Variants in IFIH1 observed in about 807,000 individuals in gnomAD.
IFIH1 encodes the protein interferon induced with helicase C domain 1, also known as interferon-induced helicase C domain-containing protein 1.
Under a neutral mutation model 107.4 loss-of-function variants are expected in IFIH1, and 125 were observed. That is an observed-to-expected ratio of 1.16 (90% confidence interval 1.01 to 1.35). The LOEUF is 1.35. IFIH1 is among the 40% of genes most tolerant of loss of function. The pLI is 0.00. For synonymous variants in IFIH1, 458 were observed against 413.2 expected, an observed-to-expected ratio of 1.11 and a Z score of -1.31; for missense variants, 1,333 against 1,213.7, an observed-to-expected ratio of 1.10 and a Z score of -1.46.
chr2:162,277,056 A>C, intron 10 of IFIH1, 110 bp from the exon 11 acceptor site: 1 of 744,140 alleles, frequency 1.3e-6, no homozygotes, highest in Non-Finnish European at 2.1e-6. Context: ...TTTATTGATT[A>C]AAAATTAATT....
chr2:162,273,831 A>G lies in IFIH1; in HGVS notation c.2418T>C (p.Arg806=). ...LDIKECNIVI[R]YGLVTNEIAM... The stretch of plus-strand genomic sequence containing the variant: ...CTATTTCATTGGTGACGAGACCATA[A>G]CGGATAACAATGTTACATTCTTTAA... Residue 806 remains arginine (R), a synonymous_variant, in exon 12 of 16, where the codon CGT becomes CGC. Coordinates refer to ENST00000649979, the MANE Select transcript of IFIH1 (RefSeq NM_022168.4). The G allele has an allele frequency of 6.2e-7, 1 of 1,608,256 alleles. No individual in the cohort carries two copies.
At chr2:162,294,137 G>A (rs1291382041) in intron 3 of IFIH1, among the ~76,000 whole-genome samples, 1 of 151,938 alleles carries the variant, frequency 6.6e-6, no homozygotes, top group Non-Finnish European at 1.5e-5. Context: ...ATAGTTTGGT[G>A]ATAAACATAG....
At chr2:162,272,744 G>T (rs191499930) in intron 12 of IFIH1, among the ~76,000 whole-genome samples, 59 of 152,170 alleles carry the variant, frequency 3.9e-4, no homozygotes, top group Admixed American at 1.8e-3. Context: ...GTAGGAAGCT[G>T]GGAGGAATGA....
In IFIH1 at chr2:162,278,311, T is replaced by C. The variant is rs778115972; in HGVS notation, c.1659A>G (p.Lys553=). 4.2e-6 allele frequency: 6 copies of C among 1,436,372 alleles called. No individual in the cohort carries two copies. The highest frequency in any genetic ancestry group is 5.8e-6 in the Non-Finnish European group (6 of 1,031,482). 89.0% of individuals were successfully genotyped at this position (1,436,372 alleles called of 1,614,324 possible). Residue 553 remains lysine, a synonymous_variant, in exon 9 of 16, where the codon AAA becomes AAG. Transcript: ENST00000649979. The part of the protein sequence containing the change: ...DATREDPFKE[K]LLEIMTRIQT... ...GAATCCTTGTCATTATTTCTAGAAGTTTCTCTTTAAATGGATCCTAAAAAT... is the reference window on the plus strand; with the variant it reads ...GAATCCTTGTCATTATTTCTAGAAGCTTCTCTTTAAATGGATCCTAAAAAT...
At chr2:162,267,427 T>C in intron 15 of IFIH1, 48 bp from the exon 16 acceptor site, 1 of 1,612,622 alleles carries the variant, frequency 6.2e-7, no homozygotes, top group Non-Finnish European at 8.5e-7. Flanking sequence ...GTACATGCAA[T>C]TAAACATTCC....
At chr2:162,295,306 G>C (rs1206072801) in intron 3 of IFIH1, among the ~76,000 whole-genome samples, 1 of 151,906 alleles carries the variant, frequency 6.6e-6, no homozygotes, top group Non-Finnish European at 1.5e-5. Flanking sequence ...GCAATATGTA[G>C]CCTTTATGTC....
chr2:162,274,423 C>A, intron 11 of IFIH1, among the ~76,000 whole-genome samples: 1 of 152,054 alleles, frequency 6.6e-6, no homozygotes, highest in East Asian at 1.9e-4. Context: ...CTTTAAGAAT[C>A]ATTTGAGTTA....
At position 162,293,877 on chromosome 2, in the gene IFIH1, A is replaced by C. The variant is rs138944124; in HGVS notation, c.770-209T>G. ...GAGCAGCTGCTGGGTAGTGATTCAAATACATATTACCTACTTAAAGTACTA... is the reference window on the plus strand; with the variant it reads ...GAGCAGCTGCTGGGTAGTGATTCAACTACATATTACCTACTTAAAGTACTA... On this transcript the variant is annotated intron_variant, in intron 3 of 15. Coordinates refer to ENST00000649979, the MANE Select transcript of IFIH1 (RefSeq NM_022168.4). 3.2e-4 allele frequency among the ~76,000 whole-genome samples: 48 copies of C among 152,002 alleles called. 1 individual carries two copies. The East Asian group carries it at 7.2e-3, about 23-fold the overall frequency.
intron 12 of IFIH1, among the ~76,000 whole-genome samples, chr2:162,273,331 T>C (rs966777999): frequency 6.6e-6 from 1 of 152,110 alleles, no homozygotes; most frequent in African/African-American, 2.4e-5. Context: ...CATTTTATCA[T>C]GAAAACTTCT....
At position 162,310,895 on chromosome 2, in the gene IFIH1, T is replaced by A; in HGVS notation, c.492A>T (p.Val164=). The A allele has an allele frequency of 6.2e-7, 1 of 1,613,594 alleles. No individual in the cohort carries two copies. The highest frequency in any genetic ancestry group is 8.5e-7 in the Non-Finnish European group (1 of 1,179,686). ...AAENNGNESG[V]RELLKRIVQK... ...GCACAATCCTTTTTAGTAGCTCTCT[T>A]ACACCTGATTCATTTCCATTGTTTT... The change falls in exon 2 of 16, where the codon GTA becomes GTT. Residue 164 remains valine, a synonymous_variant. Transcript: ENST00000649979.
intron 13 of IFIH1, among the ~76,000 whole-genome samples, chr2:162,269,221 G>A (rs1454366731): frequency 6.6e-6 from 1 of 152,008 alleles, no homozygotes; most frequent in African/African-American, 2.4e-5. Flanking sequence ...GCTGTTGAGT[G>A]GAATTTTCAG....
Position 162,276,780 on chromosome 2 carries a change from C to G in IFIH1, c.2211G>C (p.Trp737Cys), listed in dbSNP as rs375941146. The stretch of plus-strand genomic sequence containing the variant: ...CAGCAAATTTTTCATTTTCAGTAAT[C>G]CACTGGGAAAGCGCATATGCACTCT... ...TRQSAYALSQ[W>C]ITENEKFAEV... Residue 737 changes from tryptophan to cysteine, a missense_variant, in exon 11 of 16, where the codon TGG (tryptophan) becomes TGC (cysteine). Coordinates refer to ENST00000649979, the MANE Select transcript of IFIH1 (RefSeq NM_022168.4). The G allele has an allele frequency of 5.6e-6, 9 of 1,613,862 alleles. No individual in the cohort carries two copies. Among genetic ancestry groups the G allele is most frequent in the Non-Finnish European group, 6.8e-6 (8 of 1,179,944 alleles).
Position 162,318,526 on chromosome 2 carries a change from G to A in IFIH1, c.-219C>T. The stretch of plus-strand genomic sequence containing the variant: ...TGGGCAGGCGGGCAGGTGGGCAGCG[G>A]GGCGGCGCGCGGGGCCGCGGCAGGC... On this transcript the variant is annotated 5_prime_UTR_variant, in exon 1 of 16. Transcript: ENST00000649979. 3.1e-6 allele frequency: 1 copy of A among 320,336 alleles called. No individual in the cohort carries two copies. The highest frequency in any genetic ancestry group is 5.6e-6 in the Non-Finnish European group (1 of 179,384). 19.8% of individuals were successfully genotyped at this position (320,336 alleles called of 1,614,324 possible). A position where few individuals can be genotyped will look rare whatever the true frequency, so the allele number is the denominator to read the frequency against.
intron 1 of IFIH1, among the ~76,000 whole-genome samples, chr2:162,314,428 C>CTTTCT (rs1683445011): frequency 3.9e-5 from 3 of 76,544 alleles, no homozygotes; most frequent in Non-Finnish European, 6.4e-5. Flanking sequence ...TTCTTTCTTT[C>CTTTCT]TTTCTTTCTT....
chr2:162,269,649 A>G (rs1053102598), intron 13 of IFIH1, among the ~76,000 whole-genome samples: 9 of 152,226 alleles, frequency 5.9e-5, no homozygotes, highest in African/African-American at 2.4e-5. Flanking sequence ...CATAGATGAC[A>G]TATTTATATT....
chr2:162,303,511 G>A (rs1260430454), intron 3 of IFIH1, among the ~76,000 whole-genome samples: 1 of 152,044 alleles, frequency 6.6e-6, no homozygotes, highest in Non-Finnish European at 1.5e-5. Context: ...TTATGTTCCT[G>A]AGTTCACAGT....
chr2:162,292,611 T>C (rs1683014063), intron 4 of IFIH1, among the ~76,000 whole-genome samples: 1 of 151,886 alleles, frequency 6.6e-6, no homozygotes, highest in Admixed American at 6.6e-5. Flanking sequence ...CAATGCAGGA[T>C]AATCTGAATT....
intron 3 of IFIH1, among the ~76,000 whole-genome samples, chr2:162,305,794 C>T (rs1389216089): frequency 6.6e-6 from 1 of 152,118 alleles, no homozygotes; most frequent in Non-Finnish European, 1.5e-5. Context: ...AAACTCATCA[C>T]CTAATCATTT....
At chr2:162,281,047 C>A (rs888638432) in intron 7 of IFIH1, among the ~76,000 whole-genome samples, 2 of 151,928 alleles carry the variant, frequency 1.3e-5, no homozygotes, top group African/African-American at 4.8e-5. Flanking sequence ...TAAATTTAAC[C>A]ATAAGAGTAG....
Sources: gnomAD v4.1 joint callset for allele counts (sites outside exome capture counted in the v4.1 genomes callset) on GRCh38, gnomAD v4.1.1 for gene constraint, MANE v1.5 for transcripts, NCBI Gene and HGNC (gene_info 2026-07-23, HGNC 2026-07-21) for gene names.